QKI: variants seen among roughly 807,000 people sequenced by gnomAD.
QKI encodes KH domain-containing RNA-binding protein QKI.
QKI carries 10 observed loss-of-function variants against 39.0 expected under a neutral mutation model. The observed-to-expected ratio is 0.26, with a 90% CI of 0.16 to 0.43. The LOEUF (loss-of-function observed/expected upper bound fraction) is 0.43. Among genes scored for constraint, QKI ranks in the 20% least tolerant of loss-of-function variants. QKI has a pLI of 1.00. For missense variants in QKI, 218 were observed against 428.0 expected (o/e 0.51, Z 4.33); for synonymous variants, 204 against 155.4 (o/e 1.31, Z -2.33).
At chr6:163,449,450 C>G (rs1790387415) in intron 1 of QKI, among the ~76,000 whole-genome samples, 1 of 152,094 alleles carries the variant, frequency 6.6e-6, no homozygotes, top group Non-Finnish European at 1.5e-5. Flanking sequence ...CAGATAGATA[C>G]CCAGTGAAAA....
intron 4 of QKI, among the ~76,000 whole-genome samples, chr6:163,541,537 T>C (rs1051418059): frequency 2.7e-5 from 4 of 150,752 alleles, no homozygotes; most frequent in African/African-American, 9.8e-5. Flanking sequence ...TGTCTGTTAC[T>C]GAAAGAGGTG....
intron 1 of QKI, among the ~76,000 whole-genome samples, chr6:163,427,243 C>CTTTTTTTTTT (rs11375326): frequency 1.2e-5 from 1 of 85,792 alleles, no homozygotes; most frequent in African/African-American, 4.6e-5. Context: ...ATACTCGTAC[C>CTTTTTTTTTT]TTTTTTTTTT....
chr6:163,567,496 G>A (rs1203338779), intron 7 of QKI: 1 of 984,138 alleles, frequency 1.0e-6, no homozygotes, highest in Admixed American at 6.2e-5. Context: ...TTGAAGTTCT[G>A]TGGTGGTATG....
rs372217972 is a variant in QKI, at chr6:163,566,662, GT to G, written c.935-53del. ...CCATTTTGATAAACCTGCTGTTAAT[GT>G]TTTTTCCCCCCTTGTGAATGTTTTC... is the stretch of plus-strand genomic sequence containing the variant. On this transcript the variant is annotated intron_variant, in intron 6 of 7. Transcript: ENST00000361752. 102 of 1,594,558 alleles carry G rather than the reference GT, an allele frequency of 6.4e-5. 1 individual carries two copies. The African/African-American group carries it at 8.8e-4, about 14-fold the overall frequency.
rs575589151 is a variant in QKI at position 163,479,524 on chromosome 6, G to A, written c.402+628G>A. On this transcript the variant is annotated intron_variant, in intron 3 of 7. Coordinates refer to ENST00000361752, the MANE Select transcript of QKI (RefSeq NM_006775.3). ...GTAGCTGGGATTACAGGCGCACGCC[G>A]CCATGCCCAGCTAATTTTTGTATTT... Among the ~76,000 whole-genome samples, 7 of 151,978 alleles carry A rather than the reference G, an allele frequency of 4.6e-5. No individual in the cohort carries two copies. The East Asian group carries it at 9.8e-4, about 21-fold the overall frequency.
At chr6:163,513,518 A>G (rs1779613586) in intron 3 of QKI, among the ~76,000 whole-genome samples, 1 of 152,212 alleles carries the variant, frequency 6.6e-6, no homozygotes, top group Non-Finnish European at 1.5e-5. Context: ...GGTATACATT[A>G]AAAGAAAAAT....
chr6:163,527,850 C>T (rs750455599), intron 3 of QKI, among the ~76,000 whole-genome samples: 2 of 152,038 alleles, frequency 1.3e-5, no homozygotes, highest in Non-Finnish European at 2.9e-5. Flanking sequence ...GTTGGAAATA[C>T]GCATTGTATA....
chr6:163,540,271 TG>T (rs1157325671), intron 4 of QKI, among the ~76,000 whole-genome samples: 1 of 152,158 alleles, frequency 6.6e-6, no homozygotes, highest in Non-Finnish European at 1.5e-5. Context: ...GCAGACTTTT[TG>T]CTTAATATAA....
chr6:163,566,981 C>G, intron 7 of QKI, 186 bp downstream of exon 7: 1 of 1,359,266 alleles, frequency 7.4e-7, no homozygotes, highest in Non-Finnish European at 9.4e-7. Context: ...GGTTTTTTCT[C>G]CCTTCATATT....
intron 1 of QKI, among the ~76,000 whole-genome samples, chr6:163,434,563 A>T (rs1789097476): frequency 6.6e-6 from 1 of 152,006 alleles, no homozygotes. Flanking sequence ...AAAATACAAA[A>T]AATTAGCCGG....
chr6:163,472,085 C>T (rs78865621), intron 2 of QKI, among the ~76,000 whole-genome samples: 30 of 152,212 alleles, frequency 2.0e-4, no homozygotes, highest in Non-Finnish European at 3.4e-4. Flanking sequence ...AAAAAATCCA[C>T]GTATAACTTT....
chr6:163,482,783 A>G (rs995063177), intron 3 of QKI, among the ~76,000 whole-genome samples: 2 of 131,732 alleles, frequency 1.5e-5, no homozygotes, highest in African/African-American at 2.8e-5. Flanking sequence ...GCTATTTGGA[A>G]TCTCTCCAAA....
chr6:163,487,928 C>T (rs1777779290), intron 3 of QKI, among the ~76,000 whole-genome samples: 1 of 151,822 alleles, frequency 6.6e-6, no homozygotes, highest in Admixed American at 6.6e-5. Flanking sequence ...TTTCTTCATT[C>T]ATATTAGCTA....
intron 1 of QKI, among the ~76,000 whole-genome samples, chr6:163,428,800 A>C (rs1788607460): frequency 6.6e-6 from 1 of 150,818 alleles, no homozygotes; most frequent in South Asian, 2.1e-4. Context: ...GCCTTCAGTG[A>C]CTTGAAATTG....
At position 163,416,243 on chromosome 6, in the gene QKI, T is replaced by C. The variant is rs1261459774; in HGVS notation, c.142+908T>C. 2.7e-5 allele frequency: 8 copies of C among 294,690 alleles called. No homozygotes were observed. In the Admixed American group the frequency reaches 3.7e-4, roughly 13 times the overall value. The allele number at this position is 294,690 out of a possible 1,614,324, so 18.3% of individuals were successfully genotyped here. On this transcript the variant is annotated intron_variant, in intron 1 of 7. Coordinates refer to ENST00000361752, the MANE Select transcript of QKI (RefSeq NM_006775.3). ...GTTTCCAAAAAGCTGTATGGAGCGC[T>C]GTGGGGAGTGAAGAATGACAAGAAG...
intron 1 of QKI, among the ~76,000 whole-genome samples, chr6:163,426,851 T>C (rs991906576): frequency 2.6e-5 from 4 of 152,240 alleles, no homozygotes; most frequent in Non-Finnish European, 4.4e-5. Flanking sequence ...GAATTTTTTC[T>C]CTCTTTTCTA....
chr6:163,494,608 T>TA (rs775140388), intron 3 of QKI, among the ~76,000 whole-genome samples: 5 of 151,682 alleles, frequency 3.3e-5, no homozygotes, highest in East Asian at 1.9e-4. Context: ...CATACACTGT[T>TA]AAAAAAAGTT....
Position 163,421,609 on chromosome 6 carries a change from T to G in QKI, c.142+6274T>G, listed in dbSNP as rs1454398952. ...TAAAAGAAAGCTGAGTATAATCATA[T>G]GTGGCTGATTGTCATTTAACACAAA... is the stretch of plus-strand genomic sequence containing the variant. On this transcript the variant is annotated intron_variant, in intron 1 of 7. Transcript: ENST00000361752. Among the ~76,000 whole-genome samples, 3 of 152,328 alleles carry G rather than the reference T, an allele frequency of 2.0e-5. No individual in the cohort carries two copies. The East Asian group carries it at 5.8e-4, about 29-fold the overall frequency.
intron 4 of QKI, among the ~76,000 whole-genome samples, chr6:163,561,255 C>T (rs1421031726): frequency 7.2e-5 from 11 of 151,970 alleles, no homozygotes; most frequent in East Asian, 5.8e-4. Context: ...CATGTGCACG[C>T]GCGTGTGTGT....
Sources: gnomAD v4.1 joint callset for allele counts (sites outside exome capture counted in the v4.1 genomes callset) on GRCh38, gnomAD v4.1.1 for gene constraint, MANE v1.5 for transcripts, NCBI Gene and HGNC (gene_info 2026-07-23, HGNC 2026-07-21) for gene names.